DNAH2: variants seen among roughly 807,000 people sequenced by gnomAD.
The protein encoded by DNAH2 is dynein axonemal heavy chain 2, also known as axonemal beta dynein heavy chain 2.
In DNAH2, 323 loss-of-function variants were observed where a neutral mutation model predicts 523.5. That is an observed-to-expected ratio of 0.62 (90% CI 0.56 to 0.68). DNAH2 has a LOEUF of 0.68. DNAH2 is among the 30% of genes least tolerant of loss of function. The pLI is 0.00. For synonymous variants in DNAH2, 2,093 were observed against 2,177.4 expected (o/e 0.96, Z 1.08); for missense variants, 4,907 against 5,701.5 (o/e 0.86, Z 4.49).
chr17:7,815,412 C>G (rs2151318759), intron 63 of DNAH2, among the ~76,000 whole-genome samples: 1 of 152,328 alleles, frequency 6.6e-6, no homozygotes, highest in South Asian at 2.1e-4. Flanking sequence ...TGTAATCCCC[C>G]ACCCCATATT....
At chr17:7,726,177 T>G (rs1277272465) in intron 3 of DNAH2, among the ~76,000 whole-genome samples, 1 of 151,734 alleles carries the variant, frequency 6.6e-6, no homozygotes, top group Non-Finnish European at 1.5e-5. Flanking sequence ...GGCTGATTTT[T>G]GTATTTTTAG....
intron 65 of DNAH2, 56 bp from the exon 66 acceptor site, chr17:7,817,505 C>CG (rs1375814778): frequency 6.2e-7 from 1 of 1,613,436 alleles, no homozygotes; most frequent in Admixed American, 1.7e-5. Flanking sequence ...CGTGAAGGCG[C>CG]GGGGGCTGCT....
At chr17:7,719,965 A>G (rs1597441363) in intron 2 of DNAH2, 65 bp downstream of exon 2, 1 of 1,433,852 alleles carries the variant, frequency 7.0e-7, no homozygotes, top group Non-Finnish European at 9.1e-7. Flanking sequence ...AGGGGCTTGG[A>G]GGCATTTTAG....
intron 16 of DNAH2, 75 bp downstream of exon 16, chr17:7,759,685 G>A: frequency 1.3e-6 from 2 of 1,599,486 alleles, no homozygotes; most frequent in South Asian, 2.3e-5. Flanking sequence ...TCCTAAACTT[G>A]GTCCTTGGCC....
Position 7,745,283 on chromosome 17 carries a change from CTG to C in DNAH2, c.1904+2145_1904+2146del, listed in dbSNP as rs1441065768. 2.6e-5 allele frequency among the ~76,000 whole-genome samples: 4 copies of C among 152,190 alleles called. No individual in the cohort carries two copies. The East Asian group carries it at 7.7e-4, about 29-fold the overall frequency. Reference sequence around the variant, plus strand: ...GTGCTGGGATTACAGGCATGAGCCACTGTGTCTGGCCAAGTATTTACATTTCA... The same window carrying C: ...GTGCTGGGATTACAGGCATGAGCCACTGTCTGGCCAAGTATTTACATTTCA... On this transcript the variant is annotated intron_variant, in intron 12 of 85. Transcript: ENST00000572933.
intron 4 of DNAH2, among the ~76,000 whole-genome samples, chr17:7,728,477 C>G (rs769407561): frequency 4.6e-5 from 7 of 152,142 alleles, no homozygotes; most frequent in Non-Finnish European, 7.3e-5. Flanking sequence ...GCCCTGTGCA[C>G]TGGCAGTAAT....
intron 12 of DNAH2, 130 bp downstream of exon 12, chr17:7,743,272 AT>A (rs2075409272): frequency 1.9e-6 from 2 of 1,051,956 alleles, no homozygotes; most frequent in East Asian, 5.1e-5. Flanking sequence ...TGCTATCGTC[AT>A]TTTACTTTTT....
chr17:7,824,180 C>A lies in DNAH2; in HGVS notation c.11538C>A (p.Asp3846Glu), dbSNP rs753579358. 6.9e-5 allele frequency: 111 copies of A among 1,603,362 alleles called. No homozygotes were observed. Among genetic ancestry groups the A allele is most frequent in the Non-Finnish European group, 9.4e-5 (111 of 1,177,014 alleles). The change falls in exon 76 of 86, where the codon GAC becomes GAA. Residue 3846 changes from aspartate (D) to glutamate (E), a missense_variant. Physicochemically the swap from Asp to Glu is conservative, Grantham distance 45 (BLOSUM62 2). This residue lies in a region of DNAH2 where 1,851 missense variants were observed against 2,139.4 expected (regional missense o/e 0.87). Coordinates refer to ENST00000572933, the MANE Select transcript of DNAH2 (RefSeq NM_020877.5). Reference protein sequence around the residue: ...PLVFILSPGVDPTSALLQLAE... With the variant: ...PLVFILSPGVEPTSALLQLAE... ...TGTTCATCCTGTCCCCTGGTGTGGA[C>A]CCCACCAGTGCCCTGCTGCAGCTGG...
chr17:7,812,767 CAAAAAAAAAAAAAAAA>C (rs59534940), intron 63 of DNAH2, among the ~76,000 whole-genome samples: 3 of 23,820 alleles, frequency 1.3e-4, no homozygotes, highest in African/African-American at 5.3e-4. Context: ...CTAAAAATAC[CAAAAAAAAAAAAAAAA>C]AAAAAAAAAA....
At position 7,831,868 on chromosome 17, in the gene DNAH2, C is replaced by A; in HGVS notation, c.12726+93C>A. On this transcript the variant is annotated intron_variant, in intron 82 of 85. Transcript: ENST00000572933. The surrounding 1 kb of genome is among the most constrained non-coding windows in gnomAD (Gnocchi z 4.2). ...CTCCTGGTTCTAGGTGGGCATAAAGCAAACTGCAGAGAGCCGAAACTTTGA... is the reference window on the plus strand; with the variant it reads ...CTCCTGGTTCTAGGTGGGCATAAAGAAAACTGCAGAGAGCCGAAACTTTGA... 8.5e-7 allele frequency: 1 copy of A among 1,171,386 alleles called. No homozygotes were observed. The highest frequency in any genetic ancestry group is 1.5e-5 in the South Asian group (1 of 68,274). 72.6% of individuals were successfully genotyped at this position (1,171,386 alleles called of 1,614,324 possible).
At chr17:7,787,599 G>A in intron 42 of DNAH2, 1 of 377,374 alleles carries the variant, frequency 2.6e-6, no homozygotes, top group South Asian at 3.7e-5. Context: ...AGCTGGGTGT[G>A]GTGTTGTGCA....
intron 2 of DNAH2, among the ~76,000 whole-genome samples, chr17:7,720,602 T>C (rs540149986): frequency 2.6e-5 from 4 of 152,310 alleles, no homozygotes; most frequent in African/African-American, 9.6e-5. Context: ...CTGGTCAGTG[T>C]AGACAGGACT....
chr17:7,817,231 C>T lies in DNAH2; in HGVS notation c.9895-59C>T, dbSNP rs2077696757. The T allele has an allele frequency of 1.6e-5, 25 of 1,556,858 alleles. No individual in the cohort carries two copies. In the East Asian group the frequency reaches 5.4e-4, roughly 34 times the overall value. On this transcript the variant is annotated intron_variant, in intron 64 of 85. Transcript: ENST00000572933. Reference sequence around the variant, plus strand: ...AGAAGAGGGTGCCTTCAAAAGCATTCCAAGTGTCTCCCAGAGTGCTGGGGC... The same window carrying T: ...AGAAGAGGGTGCCTTCAAAAGCATTTCAAGTGTCTCCCAGAGTGCTGGGGC...
chr17:7,798,623 A>G lies in DNAH2; in HGVS notation c.8464A>G (p.Thr2822Ala). Residue 2822 changes from threonine to alanine, a missense_variant, in exon 55 of 86, where the codon ACC becomes GCC. Coordinates refer to ENST00000572933, the MANE Select transcript of DNAH2 (RefSeq NM_020877.5). The surrounding 1 kb of genome is among the most constrained non-coding windows in gnomAD (Gnocchi z 5.5). ...GACCACGTCCTTCATTTTTGTGGAC[A>G]CCCAAATAGCTGATGAGTCCTTCCT... ...LKTTSFIFVD[T>A]QIADESFLED... 2 of 1,614,126 alleles carry G rather than the reference A, an allele frequency of 1.2e-6. No homozygotes were observed. Among genetic ancestry groups the G allele is most frequent in the Non-Finnish European group, 8.5e-7 (1 of 1,180,022 alleles).
intron 12 of DNAH2, among the ~76,000 whole-genome samples, chr17:7,751,920 G>GGGAT (rs111751776): frequency 6.9e-6 from 1 of 145,876 alleles, no homozygotes; most frequent in African/African-American, 2.5e-5. Flanking sequence ...ATAGTTGTGG[G>GGGAT]GTGTGTGTGT....
chr17:7,779,586 G>A (rs1050601712), intron 36 of DNAH2, among the ~76,000 whole-genome samples, 163 bp downstream of exon 36: 16 of 152,202 alleles, frequency 1.1e-4, no homozygotes, highest in African/African-American at 2.7e-4. Flanking sequence ...ACAACTTTCC[G>A]GGAGAAGGGG....
Position 7,807,560 on chromosome 17 carries a change from G to C in DNAH2, c.9703G>C (p.Ala3235Pro). The stretch of plus-strand genomic sequence containing the variant: ...GCTTCGGGAGAAGCAAGCCGCGCTC[G>C]CTGAGGCCCAGGAGAAGCTGCGGGA... The part of the protein sequence containing the change: ...AQLREKQAAL[A>P]EAQEKLREVA... The change falls in exon 63 of 86, where the codon GCT (alanine) becomes CCT (proline). Residue 3235 changes from alanine (A) to proline (P), a missense_variant. This residue lies in a region of DNAH2 where 1,851 missense variants were observed against 2,139.4 expected (regional missense o/e 0.87). Coordinates refer to ENST00000572933, the MANE Select transcript of DNAH2 (RefSeq NM_020877.5). The surrounding 1 kb of genome is among the most constrained non-coding windows in gnomAD (Gnocchi z 5.6). The C allele has an allele frequency of 2.5e-6, 4 of 1,612,388 alleles. No homozygotes were observed. The highest frequency in any genetic ancestry group is 3.4e-6 in the Non-Finnish European group (4 of 1,179,972).
chr17:7,747,150 T>G (rs566090449), intron 12 of DNAH2, among the ~76,000 whole-genome samples: 30 of 151,782 alleles, frequency 2.0e-4, no homozygotes, highest in African/African-American at 6.5e-4. Flanking sequence ...CAACTTGCCT[T>G]TTTTTTTGAA....
chr17:7,808,024 A>C (rs114358834), intron 63 of DNAH2, among the ~76,000 whole-genome samples: 4,681 of 152,244 alleles, frequency 0.031, 202 homozygotes, highest in African/African-American at 0.099. Flanking sequence ...CCCAGAGGCC[A>C]AGTGGGTTAG....
Sources: allele counts gnomAD v4.1 joint callset (sites outside exome capture counted in the v4.1 genomes callset), GRCh38; gene constraint gnomAD v4.1.1; regional missense constraint gnomAD v4.1.1; non-coding constraint Gnocchi (gnomAD v3.1); transcripts MANE v1.5; gene names NCBI Gene and HGNC (gene_info 2026-07-23, HGNC 2026-07-21).